The following KSR2 variants were observed in gnomAD, a reference collection of about 807,000 sequenced individuals.
KSR2 encodes the protein kinase suppressor of ras 2.
KSR2 carries 25 observed loss-of-function variants against 107.8 expected under a neutral mutation model. That is an observed-to-expected ratio of 0.23 (90% confidence interval 0.17 to 0.32). The LOEUF is 0.32. Ranked by LOEUF, KSR2 falls within the 10% of genes least tolerant of loss-of-function variation. The pLI, the probability that KSR2 is intolerant of heterozygous loss-of-function variation, is 1.00. For synonymous variants in KSR2, 480 were observed against 507.0 expected, an observed-to-expected ratio of 0.95 and a Z score of 0.71; for missense variants, 887 against 1,268.9, an observed-to-expected ratio of 0.70 and a Z score of 4.57.
At chr12:117,925,219 G>T (rs1245841994) in intron 1 of KSR2, among the ~76,000 whole-genome samples, 1 of 151,656 alleles carries the variant, frequency 6.6e-6, no homozygotes, top group Non-Finnish European at 1.5e-5. Context: ...CACCTCCCAG[G>T]CTCAAGCAGT....
At chr12:117,893,907 CTT>C (rs56095185) in intron 1 of KSR2, among the ~76,000 whole-genome samples, 3,037 of 129,156 alleles carry the variant, frequency 0.024, 18 homozygotes, top group Non-Finnish European at 0.035. Context: ...GAACAAAATT[CTT>C]TTTTTTTTTT....
chr12:117,592,002 C>G (rs1880349176), intron 5 of KSR2, among the ~76,000 whole-genome samples: 1 of 149,972 alleles, frequency 6.7e-6, no homozygotes, highest in Non-Finnish European at 1.5e-5. Context: ...GAGTGAGATT[C>G]TGTCTCGAAA....
chr12:117,586,938 T>TGCA (rs1880037981), intron 5 of KSR2, among the ~76,000 whole-genome samples: 1 of 152,202 alleles, frequency 6.6e-6, no homozygotes, highest in African/African-American at 2.4e-5. Flanking sequence ...CAGATGGGAA[T>TGCA]ATTGAGGCTT....
chr12:117,754,498 C>T (rs535380830), intron 4 of KSR2, among the ~76,000 whole-genome samples: 6 of 152,102 alleles, frequency 3.9e-5, no homozygotes, highest in South Asian at 4.2e-4. Flanking sequence ...ATTAGCCAGG[C>T]GGCATGGCAT....
chr12:117,535,946 G>A (rs1220055090), intron 10 of KSR2, among the ~76,000 whole-genome samples: 2 of 152,070 alleles, frequency 1.3e-5, no homozygotes, highest in African/African-American at 2.4e-5. Flanking sequence ...CACTCTTGAT[G>A]TCACCTTATA....
rs765242951 is a variant in KSR2, at chr12:117,527,111, C to T, written c.1811G>A (p.Gly604Glu). The change falls in exon 13 of 20, where the codon GGA becomes GAA. Residue 604 changes from glycine to glutamate, a missense_variant. By Grantham distance (98) the Gly-to-Glu change is moderately conservative. Around this residue, in one of 8 missense-constraint regions of KSR2, gnomAD observed 308 missense variants for 506.2 expected, o/e 0.61. Coordinates refer to ENST00000339824, the MANE Select transcript of KSR2 (RefSeq NM_173598.6). ...CACTTCAATTTGAAGTAATGGATTT[C>T]CTTCCAAGCTGTAAAGAAAGAAAAA... is the stretch of plus-strand genomic sequence containing the variant. ...HPVTSNPILE[G>E]NPLLQIEVEP... 1 of 1,613,028 alleles carries T rather than the reference C, an allele frequency of 6.2e-7. No homozygotes were observed. The highest frequency in any genetic ancestry group is 8.5e-7 in the Non-Finnish European group (1 of 1,179,118).
chr12:117,815,315 C>T (rs926185699), intron 3 of KSR2, among the ~76,000 whole-genome samples: 1 of 152,042 alleles, frequency 6.6e-6, no homozygotes, highest in African/African-American at 2.4e-5. Context: ...GATCATTACA[C>T]AATTAAATAC....
intron 1 of KSR2, among the ~76,000 whole-genome samples, chr12:117,879,503 T>A (rs143288665): frequency 9.8e-5 from 15 of 152,350 alleles, no homozygotes; most frequent in African/African-American, 3.6e-4. Flanking sequence ...AGTAGTTTTT[T>A]AAAATCCTGT....
chr12:117,471,534 A>G (rs1871457809), intron 17 of KSR2, among the ~76,000 whole-genome samples: 1 of 152,208 alleles, frequency 6.6e-6, no homozygotes, highest in Non-Finnish European at 1.5e-5. Context: ...TCTTCTAATG[A>G]ATAGTTAAAT....
In KSR2 at chr12:117,897,935, G is replaced by T. The variant is rs920364844; in HGVS notation, c.181-37504C>A. On this transcript the variant is annotated intron_variant, in intron 1 of 19. Coordinates refer to ENST00000339824, the MANE Select transcript of KSR2 (RefSeq NM_173598.6). This position sits in a 1 kb window ranked among gnomAD's most constrained non-coding sequence, Gnocchi z 4.5. ...GTACACACCGTCTGTGTGTGTGTCT[G>T]TGTGCACTCATACACGTACACACAC... Among the ~76,000 whole-genome samples, 1 of 150,066 alleles carries T rather than the reference G, an allele frequency of 6.7e-6. No individual in the cohort carries two copies. The highest frequency in any genetic ancestry group is 1.5e-5 in the Non-Finnish European group (1 of 67,902).
intron 3 of KSR2, among the ~76,000 whole-genome samples, chr12:117,843,502 C>A (rs987823856): frequency 1.1e-4 from 16 of 152,208 alleles, no homozygotes; most frequent in African/African-American, 3.4e-4. Context: ...TTTCCAGAAT[C>A]CCCTTCTCTG....
intron 4 of KSR2, among the ~76,000 whole-genome samples, chr12:117,744,788 CCTT>C (rs1231746447): frequency 6.6e-6 from 1 of 152,162 alleles, no homozygotes; most frequent in Non-Finnish European, 1.5e-5. Flanking sequence ...ACTTGAAGCT[CCTT>C]AAAAGCATTG....
intron 5 of KSR2, among the ~76,000 whole-genome samples, chr12:117,584,533 C>T (rs993291419): frequency 1.3e-5 from 2 of 152,164 alleles, no homozygotes; most frequent in East Asian, 1.9e-4. Context: ...AAAATGGATT[C>T]TGAGGCTCAA....
At chr12:117,576,038 C>A (rs901994543) in intron 7 of KSR2, among the ~76,000 whole-genome samples, 3 of 151,756 alleles carry the variant, frequency 2.0e-5, no homozygotes, top group Non-Finnish European at 4.4e-5. Context: ...CTATCCCTAT[C>A]CTTCCCACAA....
At chr12:117,770,825 A>G (rs1037463146) in intron 3 of KSR2, among the ~76,000 whole-genome samples, 11 of 151,486 alleles carry the variant, frequency 7.3e-5, no homozygotes, top group South Asian at 4.2e-4. Flanking sequence ...AAAAAAAAAG[A>G]AATTAGCCAT....
At chr12:117,885,368 T>A (rs1357295503) in intron 1 of KSR2, among the ~76,000 whole-genome samples, 1 of 152,098 alleles carries the variant, frequency 6.6e-6, no homozygotes, top group Non-Finnish European at 1.5e-5. Flanking sequence ...TATCACATTT[T>A]GCAGATAAGG....
intron 3 of KSR2, among the ~76,000 whole-genome samples, chr12:117,817,199 G>A (rs371343343): frequency 1.6e-4 from 25 of 152,196 alleles, no homozygotes; most frequent in African/African-American, 4.8e-4. Context: ...CAGCCTTTCC[G>A]TGAAGGTCTG....
intron 14 of KSR2, chr12:117,517,682 A>C: frequency 2.7e-6 from 1 of 376,060 alleles, no homozygotes. Context: ...TTTCAGCACA[A>C]TTAAAGGCAG....
rs182022059 is a variant in KSR2, at chr12:117,655,343, G to A, written c.1171+12131C>T. On this transcript the variant is annotated intron_variant, in intron 5 of 19. Transcript: ENST00000339824. ...TCATGGAATTCACTGGTCTTACCATGTTCCCCATCATCCTGAAGCAGCTGG... is the reference window on the plus strand; with the variant it reads ...TCATGGAATTCACTGGTCTTACCATATTCCCCATCATCCTGAAGCAGCTGG... 6.4e-4 allele frequency among the ~76,000 whole-genome samples: 98 copies of A among 152,320 alleles called. 1 individual carries two copies. In the East Asian group the frequency reaches 0.018, roughly 28 times the overall value.
Sources: allele counts gnomAD v4.1 joint callset (sites outside exome capture counted in the v4.1 genomes callset), GRCh38; gene constraint gnomAD v4.1.1; regional missense constraint gnomAD v4.1.1; non-coding constraint Gnocchi (gnomAD v3.1); transcripts MANE v1.5; gene names NCBI Gene and HGNC (gene_info 2026-07-23, HGNC 2026-07-21).